The following OXR1 variants were observed in gnomAD, a reference collection of about 807,000 sequenced individuals.
OXR1 encodes oxidation resistance protein 1.
Under a neutral mutation model 104.6 loss-of-function variants are expected in OXR1, and 41 were observed. The ratio of observed to expected loss-of-function variants is 0.39; its 90% CI spans 0.31 to 0.51. OXR1 has a LOEUF of 0.51. Ranked by LOEUF, OXR1 falls within the 20% of genes least tolerant of loss-of-function variation. The probability of loss-of-function intolerance (pLI) is 0.77; values close to 1 mark genes in which losing one functional copy is unlikely to be tolerated. For missense variants in OXR1, 955 were observed against 1,031.9 expected (o/e 0.93, Z 1.02); for synonymous variants, 348 against 348.4 (o/e 1.00, Z 0.01).
At chr8:106,486,911 T>C (rs551357135) in intron 2 of OXR1, among the ~76,000 whole-genome samples, 156 of 152,172 alleles carry the variant, frequency 1.0e-3, no homozygotes, top group African/African-American at 2.9e-3. Context: ...TCAACATCAA[T>C]GTAGTTTTTA....
chr8:106,447,120 T>C (rs1820042819), intron 2 of OXR1, among the ~76,000 whole-genome samples: 1 of 152,230 alleles, frequency 6.6e-6, no homozygotes, highest in African/African-American at 2.4e-5. Flanking sequence ...TTACAAATTT[T>C]GTGTATCATC....
intron 3 of OXR1, among the ~76,000 whole-genome samples, chr8:106,538,469 T>G (rs1329988873): frequency 6.6e-6 from 1 of 152,168 alleles, no homozygotes; most frequent in Non-Finnish European, 1.5e-5. Flanking sequence ...CCCCTCCCAT[T>G]AAGTTTTGTT....
chr8:106,305,992 ATTTC>A (rs1000892584), intron 1 of OXR1, among the ~76,000 whole-genome samples: 13 of 151,754 alleles, frequency 8.6e-5, no homozygotes, highest in African/African-American at 3.1e-4. Context: ...TGTTTGAGTT[ATTTC>A]TTATTTTTAG....
chr8:106,665,201 A>G (rs1237107252), intron 3 of OXR1, among the ~76,000 whole-genome samples: 1 of 151,236 alleles, frequency 6.6e-6, no homozygotes, highest in African/African-American at 2.4e-5. Flanking sequence ...GGGCACAGTC[A>G]CACACACACA....
intron 2 of OXR1, among the ~76,000 whole-genome samples, chr8:106,383,401 T>C (rs1005369847): frequency 2.6e-5 from 4 of 152,242 alleles, no homozygotes; most frequent in Non-Finnish European, 5.9e-5. Flanking sequence ...TATTATATCC[T>C]CTTGGCAGCT....
Position 106,707,024 on chromosome 8 carries a change from G to A in OXR1, c.1503G>A (p.Glu501=), listed in dbSNP as rs1349468815. The part of the protein sequence containing the change: ...QNQDSQTEAE[E]LRKLWKTHTM... Reference sequence around the variant, plus strand: ...AGGACTCACAGACAGAGGCAGAAGAGCTACGCAAACTTTGGAAAACCCATA... The same window carrying A: ...AGGACTCACAGACAGAGGCAGAAGAACTACGCAAACTTTGGAAAACCCATA... Residue 501 remains glutamate (E), a synonymous_variant, in exon 9 of 17, where the codon GAG becomes GAA. Coordinates refer to ENST00000517566, the MANE Select transcript of OXR1 (RefSeq NM_001198533.2). 6.2e-7 allele frequency: 1 copy of A among 1,613,890 alleles called. No individual in the cohort carries two copies. The highest frequency in any genetic ancestry group is 2.2e-5 in the East Asian group (1 of 44,866).
chr8:106,387,381 ACTCT>A (rs1453662840), intron 2 of OXR1, among the ~76,000 whole-genome samples: 1 of 151,908 alleles, frequency 6.6e-6, no homozygotes, highest in Admixed American at 6.6e-5. Flanking sequence ...TACCACAGAA[ACTCT>A]CTCTCTCTCC....
intron 3 of OXR1, among the ~76,000 whole-genome samples, chr8:106,633,262 CA>C (rs913395480): frequency 1.2e-4 from 18 of 149,734 alleles, no homozygotes; most frequent in Admixed American, 2.0e-4. Context: ...CAAACAACAA[CA>C]AAAAAAAAGC....
intron 1 of OXR1, among the ~76,000 whole-genome samples, chr8:106,356,745 A>G (rs1198090045): frequency 6.6e-6 from 1 of 152,146 alleles, no homozygotes; most frequent in Non-Finnish European, 1.5e-5. Flanking sequence ...ATAATAAAAA[A>G]AAAGGTTAGC....
intron 2 of OXR1, chr8:106,448,075 T>G (rs1273114223): frequency 6.5e-7 from 1 of 1,535,336 alleles, no homozygotes. Context: ...AGCCTCCATC[T>G]GTTGTTACTT....
At chr8:106,295,853 G>T (rs192850087) in intron 1 of OXR1, among the ~76,000 whole-genome samples, 2 of 152,102 alleles carry the variant, frequency 1.3e-5, no homozygotes, top group Non-Finnish European at 2.9e-5. Flanking sequence ...TGAAATATCT[G>T]CCATTTCTTT....
chr8:106,289,380 A>G (rs1233610936), intron 1 of OXR1, among the ~76,000 whole-genome samples: 1 of 152,170 alleles, frequency 6.6e-6, no homozygotes, highest in Non-Finnish European at 1.5e-5. Flanking sequence ...TGTCCAGGCT[A>G]AGAGTCAAAT....
chr8:106,708,534 A>G (rs1409286411), intron 9 of OXR1, among the ~76,000 whole-genome samples: 1 of 152,194 alleles, frequency 6.6e-6, no homozygotes, highest in African/African-American at 2.4e-5. Context: ...TACAATATTT[A>G]TCCATTGATG....
chr8:106,440,693 T>G (rs1208510329), intron 2 of OXR1, among the ~76,000 whole-genome samples: 1 of 152,104 alleles, frequency 6.6e-6, no homozygotes, highest in Non-Finnish European at 1.5e-5. Context: ...TATTATATCC[T>G]TAGATACAGA....
At chr8:106,434,877 T>C (rs1262862135) in intron 2 of OXR1, among the ~76,000 whole-genome samples, 1 of 152,136 alleles carries the variant, frequency 6.6e-6, no homozygotes, top group African/African-American at 2.4e-5. Flanking sequence ...CTCTACTTCC[T>C]TTGAGCTTAC....
intron 3 of OXR1, among the ~76,000 whole-genome samples, chr8:106,569,120 C>T (rs889704452): frequency 1.3e-5 from 2 of 152,094 alleles, no homozygotes; most frequent in African/African-American, 4.8e-5. Flanking sequence ...TTAATGATCA[C>T]ATAGTATTCT....
chr8:106,282,610 AAAG>A (rs1812334650), intron 1 of OXR1, among the ~76,000 whole-genome samples: 1 of 152,220 alleles, frequency 6.6e-6, no homozygotes. Flanking sequence ...AAACTAGAGA[AAAG>A]AAAATGCTAT....
intron 2 of OXR1, among the ~76,000 whole-genome samples, chr8:106,438,501 T>G (rs1288479978): frequency 6.6e-6 from 1 of 152,132 alleles, no homozygotes; most frequent in Non-Finnish European, 1.5e-5. Flanking sequence ...TTTTTTAATG[T>G]GGCTTCCAGA....
chr8:106,424,206 G>A (rs983069161), intron 2 of OXR1, among the ~76,000 whole-genome samples: 19 of 151,998 alleles, frequency 1.3e-4, no homozygotes, highest in Admixed American at 9.8e-4. Context: ...CCAAACTGCC[G>A]GGATTACAAA....
Sources: allele counts gnomAD v4.1 joint callset (sites outside exome capture counted in the v4.1 genomes callset), GRCh38; gene constraint gnomAD v4.1.1; transcripts MANE v1.5; gene names NCBI Gene and HGNC (gene_info 2026-07-23, HGNC 2026-07-21).